CDH12: variants seen among roughly 807,000 people sequenced by gnomAD.
The protein encoded by CDH12 is cadherin-12.
A neutral mutation model predicts 74.1 loss-of-function variants in CDH12; 41 were observed. The ratio of observed to expected loss-of-function variants is 0.55; its 90% CI spans 0.43 to 0.72. The LOEUF is 0.72. Ranked by LOEUF, CDH12 falls within the 30% of genes least tolerant of loss-of-function variation. The pLI, the probability that CDH12 is intolerant of heterozygous loss-of-function variation, is 0.00. For missense variants in CDH12, 945 were observed against 977.2 expected (o/e 0.97, Z 0.44); for synonymous variants, 399 against 355.0 (o/e 1.12, Z -1.39).
intron 5 of CDH12, among the ~76,000 whole-genome samples, chr5:21,984,649 T>A (rs986822181): frequency 6.6e-6 from 1 of 152,204 alleles, no homozygotes; most frequent in African/African-American, 2.4e-5. Context: ...TTATTTTTGT[T>A]CCTCTGTTAT....
At chr5:21,970,248 T>C (rs955886331) in intron 6 of CDH12, among the ~76,000 whole-genome samples, 2 of 152,186 alleles carry the variant, frequency 1.3e-5, no homozygotes, top group African/African-American at 4.8e-5. Context: ...ATAGTCAACA[T>C]TCTGTCTTCA....
intron 3 of CDH12, among the ~76,000 whole-genome samples, chr5:22,346,576 A>G (rs1367941644): frequency 6.6e-6 from 1 of 152,224 alleles, no homozygotes; most frequent in South Asian, 2.1e-4. Context: ...TGAGTACTAT[A>G]AAAATATTTC....
chr5:22,326,237 TTTTC>T (rs1364667457), intron 3 of CDH12, among the ~76,000 whole-genome samples: 2 of 151,336 alleles, frequency 1.3e-5, no homozygotes, highest in African/African-American at 4.9e-5. Flanking sequence ...TATTTTTTTT[TTTTC>T]TTTCTTTTTT....
chr5:21,835,105 C>A (rs532358157), intron 8 of CDH12, among the ~76,000 whole-genome samples: 1 of 151,842 alleles, frequency 6.6e-6, no homozygotes, highest in African/African-American at 2.4e-5. Flanking sequence ...GACTCTTAAC[C>A]AGACTTTCCA....
intron 1 of CDH12, among the ~76,000 whole-genome samples, chr5:22,616,204 T>C (rs919488861): frequency 1.3e-5 from 2 of 151,976 alleles, no homozygotes; most frequent in Non-Finnish European, 2.9e-5. Flanking sequence ...TCATGGAAAA[T>C]AAAGGAGAGA....
Position 22,078,508 on chromosome 5 carries a change from C to T in CDH12, c.169G>A (p.Val57Ile), listed in dbSNP as rs1354674210. The change falls in exon 5 of 15, where the codon GTA becomes ATA. Residue 57 changes from valine (V) to isoleucine (I), a missense_variant. Val to Ile is a conservative substitution (Grantham distance 29). This residue lies in a region of CDH12 where 148 missense variants were observed against 162.8 expected (regional missense o/e 0.91). Transcript: ENST00000382254. ...TCCAGCACAAAAAATTGATTCCATA[C>T]CCAGCCACGTTTAACACGTTGGAAA... ...SHFQRVKRGW[V>I]WNQFFVLEEY... 1.9e-6 allele frequency: 3 copies of T among 1,613,926 alleles called. No individual in the cohort carries two copies. Among genetic ancestry groups the T allele is most frequent in the African/African-American group, 2.7e-5 (2 of 75,016 alleles).
At chr5:22,397,702 T>C (rs1043820570) in intron 3 of CDH12, among the ~76,000 whole-genome samples, 18 of 152,092 alleles carry the variant, frequency 1.2e-4, no homozygotes, top group Non-Finnish European at 1.5e-5. Context: ...TAATTGTATT[T>C]CTCCAAAAAT....
Position 22,688,006 on chromosome 5 carries a change from C to T in CDH12, c.-523+165052G>A, listed in dbSNP as rs181785097. ...CCTTGAGATGGCCAATTCTGTAAGC[C>T]AAGGAAAGTCTATGAGAATAGAAAG... On this transcript the variant is annotated intron_variant, in intron 1 of 14. Transcript: ENST00000382254. Among the ~76,000 whole-genome samples, 138 of 151,810 alleles carry T rather than the reference C, an allele frequency of 9.1e-4. 2 individuals carry two copies. The highest frequency in any genetic ancestry group is 6.6e-3 in the Admixed American group (101 of 15,242).
intron 5 of CDH12, among the ~76,000 whole-genome samples, chr5:22,064,429 T>G (rs571530460): frequency 5.3e-5 from 8 of 152,172 alleles, no homozygotes; most frequent in Non-Finnish European, 7.3e-5. Flanking sequence ...GAACAGAATC[T>G]TAAGAATAAG....
At chr5:22,205,595 G>C (rs1048021428) in intron 4 of CDH12, among the ~76,000 whole-genome samples, 3 of 152,086 alleles carry the variant, frequency 2.0e-5, no homozygotes, top group Non-Finnish European at 2.9e-5. Context: ...ATTAGAAAGG[G>C]AGAAAAGTTT....
chr5:22,825,388 C>T (rs1237763941), intron 1 of CDH12, among the ~76,000 whole-genome samples: 1 of 152,036 alleles, frequency 6.6e-6, no homozygotes, highest in Non-Finnish European at 1.5e-5. Context: ...GTAGAGTGAG[C>T]AAGGTAAGTC....
At chr5:22,458,683 T>G (rs1247255982) in intron 2 of CDH12, among the ~76,000 whole-genome samples, 1 of 152,190 alleles carries the variant, frequency 6.6e-6, no homozygotes, top group Admixed American at 6.5e-5. Context: ...TTAGCATATC[T>G]TTTTAGATAT....
rs150972336 is a variant in CDH12 at position 22,082,327 on chromosome 5, A to G, written c.-186-3465T>C. ...TCTTTGGCATATCCAAGTTGCCAGC[A>G]TCACTATTCTTGCACTTTGGGGCCA... is the stretch of plus-strand genomic sequence containing the variant. On this transcript the variant is annotated intron_variant, in intron 4 of 14. Coordinates refer to ENST00000382254, the MANE Select transcript of CDH12 (RefSeq NM_004061.5). Among the ~76,000 whole-genome samples the G allele has an allele frequency of 6.6e-5, 10 of 152,330 alleles. No homozygotes were observed. In the East Asian group the frequency reaches 1.4e-3, roughly 21 times the overall value.
chr5:21,957,999 G>C (rs1756177488), intron 6 of CDH12, among the ~76,000 whole-genome samples: 1 of 151,994 alleles, frequency 6.6e-6, no homozygotes, highest in South Asian at 2.1e-4. Flanking sequence ...TCACCACATG[G>C]AGAGACCAGG....
rs545463039 is a variant in CDH12, at chr5:22,450,877, CTTT to C, written c.-427-45529_-427-45527del. Among the ~76,000 whole-genome samples the C allele has an allele frequency of 2.0e-3, 261 of 129,248 alleles. 2 individuals are homozygous for C. Among genetic ancestry groups the C allele is most frequent in the East Asian group, 4.6e-3 (20 of 4,358 alleles). 84.8% of individuals were successfully genotyped at this position (129,248 alleles called of 152,430 possible). Reference sequence around the variant, plus strand: ...GTTTCTAGACCCACCTAATAAGCCACTTTTTTTTTTTTTTTTTTTCCTAAGGAG... The same window carrying C: ...GTTTCTAGACCCACCTAATAAGCCACTTTTTTTTTTTTTTTTCCTAAGGAG... On this transcript the variant is annotated intron_variant, in intron 2 of 14. Coordinates refer to ENST00000382254, the MANE Select transcript of CDH12 (RefSeq NM_004061.5).
chr5:22,170,421 G>A (rs1247556502), intron 4 of CDH12, among the ~76,000 whole-genome samples: 2 of 151,552 alleles, frequency 1.3e-5, no homozygotes, highest in Non-Finnish European at 1.5e-5. Context: ...ACATTTTTAA[G>A]GCTAACAACA....
intron 3 of CDH12, among the ~76,000 whole-genome samples, chr5:22,258,235 G>A (rs758654812): frequency 1.3e-5 from 2 of 151,990 alleles, no homozygotes; most frequent in Non-Finnish European, 2.9e-5. Context: ...CTTAGTACTG[G>A]TTCTTAAACA....
At chr5:22,664,917 C>T (rs1450121916) in intron 1 of CDH12, among the ~76,000 whole-genome samples, 1 of 152,030 alleles carries the variant, frequency 6.6e-6, no homozygotes, top group Non-Finnish European at 1.5e-5. Context: ...ATTGAAATGC[C>T]AATATAATTC....
intron 2 of CDH12, among the ~76,000 whole-genome samples, chr5:22,439,789 T>A (rs1028835883): frequency 2.0e-5 from 3 of 152,108 alleles, no homozygotes; most frequent in African/African-American, 7.2e-5. Flanking sequence ...TTCTAAAGAA[T>A]CTGATAAGTT....
Sources: allele counts gnomAD v4.1 joint callset (sites outside exome capture counted in the v4.1 genomes callset), GRCh38; gene constraint gnomAD v4.1.1; regional missense constraint gnomAD v4.1.1; transcripts MANE v1.5; gene names NCBI Gene and HGNC (gene_info 2026-07-23, HGNC 2026-07-21).